The following CDH12 variants were observed in gnomAD, a reference collection of about 807,000 sequenced individuals.
CDH12 encodes cadherin-12.
Under a neutral mutation model 74.1 loss-of-function variants are expected in CDH12, and 41 were observed. That is an observed-to-expected ratio of 0.55 (90% CI 0.43 to 0.72). CDH12 has a LOEUF of 0.72. Ranked by LOEUF, CDH12 falls within the 30% of genes least tolerant of loss-of-function variation. CDH12 has a pLI of 0.00. For missense variants in CDH12, 945 were observed against 977.2 expected (o/e 0.97, Z 0.44); for synonymous variants, 399 against 355.0 (o/e 1.12, Z -1.39).
In CDH12 at chr5:22,243,023, T is replaced by C. The variant is rs899282232; in HGVS notation, c.-332-30380A>G. On this transcript the variant is annotated intron_variant, in intron 3 of 14. Coordinates refer to ENST00000382254, the MANE Select transcript of CDH12 (RefSeq NM_004061.5). The stretch of plus-strand genomic sequence containing the variant: ...ACATGACCTCTGTTGATAGATCTAC[T>C]TGTCTTTGTTAAACTTGTATTTCCT... 1.7e-4 allele frequency among the ~76,000 whole-genome samples: 26 copies of C among 152,164 alleles called. 1 individual carries two copies. Among genetic ancestry groups the C allele is most frequent in the African/African-American group, 6.0e-4 (25 of 41,434 alleles).
At chr5:22,417,718 G>T (rs1247475217) in intron 2 of CDH12, among the ~76,000 whole-genome samples, 1 of 152,138 alleles carries the variant, frequency 6.6e-6, no homozygotes, top group Non-Finnish European at 1.5e-5. Flanking sequence ...GTGATATGTT[G>T]CTGTGGTTGA....
chr5:21,771,776 T>C (rs1745337606), intron 11 of CDH12, among the ~76,000 whole-genome samples: 1 of 152,140 alleles, frequency 6.6e-6, no homozygotes. Flanking sequence ...ATGTAAATTT[T>C]CCCCCATGAG....
At chr5:22,816,128 G>A (rs895720539) in intron 1 of CDH12, among the ~76,000 whole-genome samples, 5 of 152,148 alleles carry the variant, frequency 3.3e-5, no homozygotes, top group African/African-American at 1.2e-4. Flanking sequence ...GCTTCAGCAA[G>A]TAAACTTTTT....
At chr5:21,901,860 AC>A (rs1270918561) in intron 6 of CDH12, among the ~76,000 whole-genome samples, 1 of 151,936 alleles carries the variant, frequency 6.6e-6, no homozygotes, top group Admixed American at 6.6e-5. Flanking sequence ...TATTTCCTTC[AC>A]AAGTTTTGCT....
chr5:22,419,735 C>T (rs988859745), intron 2 of CDH12, among the ~76,000 whole-genome samples: 2 of 152,164 alleles, frequency 1.3e-5, no homozygotes, highest in African/African-American at 4.8e-5. Flanking sequence ...TACTGTTTTC[C>T]ACAATGGTTG....
intron 6 of CDH12, among the ~76,000 whole-genome samples, chr5:21,885,696 T>G (rs925365783): frequency 1.3e-5 from 2 of 152,230 alleles, no homozygotes; most frequent in Admixed American, 6.5e-5. Context: ...TCACTTTTTA[T>G]GCATATTTTG....
chr5:22,076,629 C>G lies in CDH12; in HGVS notation c.231+1817G>C, dbSNP rs193085892. On this transcript the variant is annotated intron_variant, in intron 5 of 14. Transcript: ENST00000382254. ...TTACATTAAATTAATTCAAAAGAAA[C>G]AAGTATAGGAGAACCACATGAAATT... 8.5e-3 allele frequency among the ~76,000 whole-genome samples: 1,299 copies of G among 152,198 alleles called. 12 individuals are homozygous for G. Among genetic ancestry groups the G allele is most frequent in the Non-Finnish European group, 0.011 (774 of 68,014 alleles).
intron 5 of CDH12, among the ~76,000 whole-genome samples, chr5:22,006,256 C>A (rs1039331843): frequency 2.6e-5 from 4 of 152,032 alleles, no homozygotes; most frequent in African/African-American, 9.7e-5. Flanking sequence ...TGGCCTCAAG[C>A]AGTTCTCCCA....
intron 5 of CDH12, among the ~76,000 whole-genome samples, chr5:22,012,894 A>G (rs916583824): frequency 7.0e-6 from 1 of 143,226 alleles, no homozygotes; most frequent in African/African-American, 2.6e-5. Context: ...TTTAAACATT[A>G]TTTACTAGGT....
At chr5:22,150,100 T>G (rs1202112124) in intron 4 of CDH12, among the ~76,000 whole-genome samples, 1 of 152,208 alleles carries the variant, frequency 6.6e-6, no homozygotes, top group Non-Finnish European at 1.5e-5. Flanking sequence ...GATCGTTGAT[T>G]TAAAACCTTG....
At chr5:21,822,739 G>A (rs922777741) in intron 8 of CDH12, among the ~76,000 whole-genome samples, 4 of 151,970 alleles carry the variant, frequency 2.6e-5, no homozygotes, top group Non-Finnish European at 4.4e-5. Context: ...AAATTACTTC[G>A]CTTTTGAGAT....
At chr5:22,189,873 G>A (rs868491856) in intron 4 of CDH12, among the ~76,000 whole-genome samples, 6 of 152,104 alleles carry the variant, frequency 3.9e-5, no homozygotes, top group Middle Eastern at 3.4e-3. Context: ...CCCCAGCCCC[G>A]TGGGCTGCAT....
intron 6 of CDH12, among the ~76,000 whole-genome samples, chr5:21,917,124 C>T (rs905514066): frequency 6.6e-6 from 1 of 152,124 alleles, no homozygotes; most frequent in Non-Finnish European, 1.5e-5. Flanking sequence ...AAGTACTGAA[C>T]TCTCTGAACT....
chr5:22,352,258 T>C (rs1429197567), intron 3 of CDH12, among the ~76,000 whole-genome samples: 1 of 152,126 alleles, frequency 6.6e-6, no homozygotes, highest in African/African-American at 2.4e-5. Flanking sequence ...AATCCATTCT[T>C]GTCTACTAGT....
chr5:22,082,311 T>C (rs1251313602), intron 4 of CDH12, among the ~76,000 whole-genome samples: 1 of 152,190 alleles, frequency 6.6e-6, no homozygotes, highest in Non-Finnish European at 1.5e-5. Context: ...CTCTTTGGCA[T>C]ATCCAAGTTG....
intron 2 of CDH12, among the ~76,000 whole-genome samples, chr5:22,445,483 C>A (rs2126550172): frequency 6.6e-6 from 1 of 152,268 alleles, no homozygotes; most frequent in Middle Eastern, 3.4e-3. Flanking sequence ...ATTATGCCAG[C>A]CGTTTTTCAG....
intron 1 of CDH12, among the ~76,000 whole-genome samples, chr5:22,613,534 G>A (rs268967): frequency 0.56 from 84,471 of 151,850 alleles, 23,831 homozygotes; most frequent in East Asian, 0.68. Context: ...TACAGTGTAA[G>A]TAAGCCAGTG....
chr5:22,689,310 T>G (rs1017104954), intron 1 of CDH12, among the ~76,000 whole-genome samples: 1 of 152,144 alleles, frequency 6.6e-6, no homozygotes, highest in African/African-American at 2.4e-5. Context: ...ATTGTCATAA[T>G]GCTTTTGGCC....
chr5:21,996,643 T>C (rs1357366028), intron 5 of CDH12, among the ~76,000 whole-genome samples: 2 of 152,180 alleles, frequency 1.3e-5, no homozygotes, highest in Non-Finnish European at 2.9e-5. Flanking sequence ...AGATGGCTCA[T>C]TATAGGGGCC....
Sources: gnomAD v4.1 joint callset for allele counts (sites outside exome capture counted in the v4.1 genomes callset) on GRCh38, gnomAD v4.1.1 for gene constraint, MANE v1.5 for transcripts, NCBI Gene and HGNC (gene_info 2026-07-23, HGNC 2026-07-21) for gene names.